IRAG1: variants seen among roughly 807,000 people sequenced by gnomAD.
IRAG1 encodes the protein IP3R-associated cGMP kinase substrate.
A neutral mutation model predicts 106.2 loss-of-function variants in IRAG1; 62 were observed. The ratio of observed to expected loss-of-function variants is 0.58; its 90% confidence interval spans 0.48 to 0.72. The LOEUF (loss-of-function observed/expected upper bound fraction) is 0.72. IRAG1 is among the 30% of genes least tolerant of loss of function. IRAG1 has a pLI of 0.00. For missense variants in IRAG1, 1,064 were observed against 1,140.7 expected (o/e 0.93, Z 0.97); for synonymous variants, 462 against 443.9 (o/e 1.04, Z -0.51).
At chr11:10,638,984 T>C (rs537885561) in intron 2 of IRAG1, among the ~76,000 whole-genome samples, 1 of 152,346 alleles carries the variant, frequency 6.6e-6, no homozygotes, top group Non-Finnish European at 1.5e-5. Context: ...TGCAGTGATA[T>C]GATCTTGGCT....
At chr11:10,674,387 A>G (rs560533655) in intron 1 of IRAG1, among the ~76,000 whole-genome samples, 16 of 152,318 alleles carry the variant, frequency 1.1e-4, no homozygotes, top group Admixed American at 2.0e-4. Context: ...TTTTACAAGT[A>G]TGGGCACAAA....
chr11:10,643,688 C>T (rs11042906), intron 2 of IRAG1, among the ~76,000 whole-genome samples: 30,857 of 152,082 alleles, frequency 0.2, 4,133 homozygotes, highest in Middle Eastern at 0.32. Context: ...CAATTATCTA[C>T]CCAACCTATC....
chr11:10,630,459 C>T (rs1334027384), intron 4 of IRAG1, among the ~76,000 whole-genome samples: 1 of 151,946 alleles, frequency 6.6e-6, no homozygotes, highest in African/African-American at 2.4e-5. Flanking sequence ...GCAACCTCTG[C>T]CTCCTGGGTT....
In IRAG1 at chr11:10,665,953, T is replaced by C. The variant is rs1353787802; in HGVS notation, c.68-13771A>G. Among the ~76,000 whole-genome samples, 1 of 152,072 alleles carries C rather than the reference T, an allele frequency of 6.6e-6. No homozygotes were observed. Among genetic ancestry groups the C allele is most frequent in the African/African-American group, 2.4e-5 (1 of 41,398 alleles). ...GGTTATGGTGAACAGTGATATGCAATGGCAGGGGTGGGTGGAAGCCGGGAG... is the reference window on the plus strand; with the variant it reads ...GGTTATGGTGAACAGTGATATGCAACGGCAGGGGTGGGTGGAAGCCGGGAG... On this transcript the variant is annotated intron_variant, in intron 1 of 20. Transcript: ENST00000423302. The surrounding 1 kb of genome is among the most constrained non-coding windows in gnomAD (Gnocchi z 4.2).
intron 1 of IRAG1, among the ~76,000 whole-genome samples, chr11:10,670,070 G>C (rs1219316138): frequency 1.3e-5 from 2 of 152,238 alleles, no homozygotes; most frequent in Non-Finnish European, 2.9e-5. Flanking sequence ...ATAACCAATT[G>C]AGATCAGCAG....
chr11:10,605,927 A>G (rs1854434057), intron 12 of IRAG1, among the ~76,000 whole-genome samples: 2 of 152,230 alleles, frequency 1.3e-5, no homozygotes, highest in Admixed American at 1.3e-4. Flanking sequence ...TGGTTTTGCC[A>G]ACTACAGTAT....
At chr11:10,597,971 G>A (rs142245087) in intron 15 of IRAG1, among the ~76,000 whole-genome samples, 5 of 152,338 alleles carry the variant, frequency 3.3e-5, no homozygotes, top group African/African-American at 9.6e-5. Flanking sequence ...GTCACTTTGT[G>A]AGCACGTACT....
Position 10,574,108 on chromosome 11 carries a change from TG to T in IRAG1, c.*2223del. Reference sequence around the variant, plus strand: ...ATTTTAAAGTGGGGCATGCTTGGGGTGGGGGGTCTCTCTGAAGGAGTGACTG... The same window carrying T: ...ATTTTAAAGTGGGGCATGCTTGGGGTGGGGGTCTCTCTGAAGGAGTGACTG... On this transcript the variant is annotated 3_prime_UTR_variant, in exon 21 of 21. Transcript: ENST00000423302. 6.6e-6 allele frequency: 1 copy of T among 152,540 alleles called. No individual in the cohort carries two copies. The highest frequency in any genetic ancestry group is 1.5e-5 in the Non-Finnish European group (1 of 68,386). 9.4% of individuals were successfully genotyped at this position (152,540 alleles called of 1,614,324 possible).
intron 2 of IRAG1, among the ~76,000 whole-genome samples, chr11:10,641,858 G>A (rs1358883777): frequency 6.6e-6 from 1 of 152,176 alleles, no homozygotes; most frequent in Non-Finnish European, 1.5e-5. Context: ...GTCCAGGGCT[G>A]TGCCGCTTGT....
intron 10 of IRAG1, among the ~76,000 whole-genome samples, chr11:10,621,961 A>T (rs1478899730): frequency 6.6e-6 from 1 of 152,122 alleles, no homozygotes; most frequent in African/African-American, 2.4e-5. Context: ...GGAGGGAATA[A>T]AGAGTTATTG....
intron 2 of IRAG1, among the ~76,000 whole-genome samples, chr11:10,637,897 C>T (rs759803800): frequency 6.6e-6 from 1 of 152,094 alleles, no homozygotes; most frequent in African/African-American, 2.4e-5. Context: ...GGGGCAGGTG[C>T]CAAGCTAAAT....
At chr11:10,593,392 A>C (rs1852897876) in intron 17 of IRAG1, 100 bp downstream of exon 17, 5 of 874,732 alleles carry the variant, frequency 5.7e-6, no homozygotes, top group African/African-American at 1.7e-5. Context: ...CTCCTTGTTG[A>C]CCCTGCCCCC....
At chr11:10,596,168 T>C (rs538887978) in intron 15 of IRAG1, among the ~76,000 whole-genome samples, 34 of 152,360 alleles carry the variant, frequency 2.2e-4, no homozygotes, top group African/African-American at 7.7e-4. Flanking sequence ...TTTGTGAGCA[T>C]GTGTTTGAGT....
chr11:10,584,548 AATATATATATATATAT>A (rs56768282), intron 18 of IRAG1, among the ~76,000 whole-genome samples: 2,309 of 98,580 alleles, frequency 0.023, 114 homozygotes, highest in African/African-American at 0.072. Flanking sequence ...TCTTTCATGA[AATATATATATATATAT>A]ATATATATAT....
At chr11:10,634,715 G>T (rs140472247) in intron 2 of IRAG1, among the ~76,000 whole-genome samples, 2 of 149,790 alleles carry the variant, frequency 1.3e-5, no homozygotes, top group African/African-American at 4.9e-5. Context: ...GTTGCAAAAG[G>T]TGAGATTTCC....
rs190600239 is a variant in IRAG1 at position 10,650,062 on chromosome 11, A to C, written c.225+1963T>G. 4.0e-4 allele frequency among the ~76,000 whole-genome samples: 61 copies of C among 152,320 alleles called. No individual in the cohort carries two copies. The East Asian group carries it at 0.01, about 25-fold the overall frequency. On this transcript the variant is annotated intron_variant, in intron 2 of 20. Coordinates refer to ENST00000423302, the MANE Select transcript of IRAG1 (RefSeq NM_130385.4). ...TTACAAATGGGTAGATTCTTAGTGA[A>C]TATTCTCATGTTATGATTACATTTG...
intron 20 of IRAG1, among the ~76,000 whole-genome samples, chr11:10,578,458 A>T (rs1282719285): frequency 6.6e-6 from 1 of 152,260 alleles, no homozygotes; most frequent in East Asian, 1.9e-4. Flanking sequence ...CATAATTGTT[A>T]TATATAACAG....
chr11:10,649,922 T>C (rs567019032), intron 2 of IRAG1, among the ~76,000 whole-genome samples: 2 of 152,296 alleles, frequency 1.3e-5, no homozygotes, highest in Non-Finnish European at 2.9e-5. Flanking sequence ...ATTCTCTCTG[T>C]GCCCATGGGA....
At chr11:10,640,550 G>T (rs1296030990) in intron 2 of IRAG1, among the ~76,000 whole-genome samples, 1 of 152,182 alleles carries the variant, frequency 6.6e-6, no homozygotes, top group Non-Finnish European at 1.5e-5. Flanking sequence ...GGTCTTGTGG[G>T]GGCTGTTTTT....
Sources: gnomAD v4.1 joint callset for allele counts (sites outside exome capture counted in the v4.1 genomes callset) on GRCh38, gnomAD v4.1.1 for gene constraint, Gnocchi (gnomAD v3.1) non-coding constraint, MANE v1.5 for transcripts, NCBI Gene and HGNC (gene_info 2026-07-23, HGNC 2026-07-21) for gene names.